The following ITGB5 variants were observed in gnomAD, a reference collection of about 807,000 sequenced individuals.
ITGB5 encodes integrin subunit beta 5.
In ITGB5, 38 loss-of-function variants were observed where a neutral mutation model predicts 84.8. That is an observed-to-expected ratio of 0.45 (90% confidence interval 0.35 to 0.59). The LOEUF (loss-of-function observed/expected upper bound fraction) is 0.59. Among genes scored for constraint, ITGB5 ranks in the 20% least tolerant of loss-of-function variants. The pLI is 0.01. For synonymous variants in ITGB5, 393 were observed against 414.4 expected (o/e 0.95, Z 0.63); for missense variants, 905 against 1,034.5 (o/e 0.87, Z 1.72).
chr3:124,764,731 G>T (rs535082620), intron 13 of ITGB5, among the ~76,000 whole-genome samples, 174 bp from the exon 14 acceptor site: 1 of 152,364 alleles, frequency 6.6e-6, no homozygotes, highest in South Asian at 2.1e-4. Context: ...AGATTCAAAA[G>T]GGACAGTGAC....
chr3:124,774,713 C>T (rs537972761), intron 10 of ITGB5, among the ~76,000 whole-genome samples: 1 of 152,254 alleles, frequency 6.6e-6, no homozygotes, highest in African/African-American at 2.4e-5. Flanking sequence ...TCCCTGAGTC[C>T]TAGTTAGAAG....
At chr3:124,851,956 A>C (rs998837408) in intron 3 of ITGB5, among the ~76,000 whole-genome samples, 3 of 152,146 alleles carry the variant, frequency 2.0e-5, no homozygotes, top group African/African-American at 7.2e-5. Context: ...CTGAAGGTGA[A>C]GCCATTAATG....
chr3:124,895,433 C>T (rs1935083240), intron 1 of ITGB5, among the ~76,000 whole-genome samples: 1 of 152,188 alleles, frequency 6.6e-6, no homozygotes, highest in Non-Finnish European at 1.5e-5. Context: ...CTATGTTGCT[C>T]ATGCTGGTCT....
At chr3:124,778,425 G>T (rs1270846640) in intron 10 of ITGB5, among the ~76,000 whole-genome samples, 3 of 152,238 alleles carry the variant, frequency 2.0e-5, no homozygotes, top group East Asian at 3.8e-4. Flanking sequence ...AGAGGAAGGG[G>T]CAGGCTGGGA....
chr3:124,875,900 C>T (rs950934849), intron 1 of ITGB5, among the ~76,000 whole-genome samples: 14 of 152,188 alleles, frequency 9.2e-5, no homozygotes, highest in Admixed American at 2.0e-4. Flanking sequence ...CACAGAAAGA[C>T]ATACTGCATT....
intron 5 of ITGB5, among the ~76,000 whole-genome samples, chr3:124,834,285 T>TGTGGAATGCTG (rs1460117147): frequency 2.0e-5 from 3 of 151,774 alleles, no homozygotes; most frequent in Non-Finnish European, 4.4e-5. Context: ...ACCACACTGA[T>TGTGGAATGCTG]GTGGAATGCT....
intron 10 of ITGB5, among the ~76,000 whole-genome samples, chr3:124,785,743 C>T (rs974585244): frequency 6.6e-6 from 1 of 152,052 alleles, no homozygotes; most frequent in Non-Finnish European, 1.5e-5. Flanking sequence ...TTGCTTGGTC[C>T]ATGTGTATCC....
intron 2 of ITGB5, among the ~76,000 whole-genome samples, chr3:124,864,626 TG>T (rs2065358984): frequency 6.6e-6 from 1 of 152,072 alleles, no homozygotes; most frequent in East Asian, 1.9e-4. Context: ...TGTGAACTAC[TG>T]GGACAGGAGA....
intron 2 of ITGB5, among the ~76,000 whole-genome samples, chr3:124,870,307 G>A (rs558593713): frequency 1.2e-4 from 18 of 152,268 alleles, no homozygotes; most frequent in African/African-American, 2.6e-4. Flanking sequence ...CAGAGTACAC[G>A]GAGACAAAGA....
At chr3:124,839,996 C>T (rs1270010879) in intron 5 of ITGB5, among the ~76,000 whole-genome samples, 3 of 152,236 alleles carry the variant, frequency 2.0e-5, no homozygotes, top group Non-Finnish European at 4.4e-5. Flanking sequence ...GCTGTTGCTG[C>T]TTTCTTTACA....
chr3:124,871,656 CCT>C (rs1261035709), intron 2 of ITGB5, among the ~76,000 whole-genome samples: 1 of 151,852 alleles, frequency 6.6e-6, no homozygotes, highest in African/African-American at 2.4e-5. Context: ...AGAGATCCCA[CCT>C]CTAAAAGATA....
In ITGB5 at chr3:124,860,020, T is replaced by C. The variant is rs577728103; in HGVS notation, c.157-574A>G. Reference sequence around the variant, plus strand: ...CCTTGGGCATTCAAGAGTTAACCTTTAAGTTGTTCACTTATCATCTTTCAC... The same window carrying C: ...CCTTGGGCATTCAAGAGTTAACCTTCAAGTTGTTCACTTATCATCTTTCAC... On this transcript the variant is annotated intron_variant, in intron 2 of 14. Transcript: ENST00000296181. Among the ~76,000 whole-genome samples the C allele has an allele frequency of 3.9e-5, 6 of 152,326 alleles. No homozygotes were observed. The South Asian group carries it at 8.3e-4, about 21-fold the overall frequency.
chr3:124,812,578 T>C lies in ITGB5; in HGVS notation c.1129-3422A>G, dbSNP rs180697883. Among the ~76,000 whole-genome samples, 961 of 152,310 alleles carry C rather than the reference T, an allele frequency of 6.3e-3. 34 individuals are homozygous for C. The highest frequency in any genetic ancestry group is 2.7e-3 in the Non-Finnish European group (184 of 68,022). On this transcript the variant is annotated intron_variant, in intron 8 of 14. Transcript: ENST00000296181. ...GGTGCAACATGAGGCCAGCCCCCTC[T>C]GCACGTGTGGACCCAGGGCTCCACG...
intron 5 of ITGB5, among the ~76,000 whole-genome samples, chr3:124,827,129 A>C (rs1038727379): frequency 2.0e-5 from 3 of 152,212 alleles, no homozygotes; most frequent in Non-Finnish European, 2.9e-5. Context: ...ACAAAAAAAA[A>C]CAATGAACTA....
chr3:124,899,853 CAAAAA>C (rs60859904), intron 1 of ITGB5, among the ~76,000 whole-genome samples: 13 of 35,010 alleles, frequency 3.7e-4, no homozygotes, highest in African/African-American at 1.8e-3. Context: ...GACCCTGTCT[CAAAAA>C]AAAAAAAAAA....
intron 9 of ITGB5, among the ~76,000 whole-genome samples, chr3:124,799,687 AT>A: frequency 6.6e-6 from 1 of 152,286 alleles, no homozygotes; most frequent in African/African-American, 2.4e-5. Context: ...AAGTGTCCTC[AT>A]TTTACCAGAG....
chr3:124,815,656 A>G (rs1454259213), intron 8 of ITGB5, among the ~76,000 whole-genome samples: 2 of 152,142 alleles, frequency 1.3e-5, no homozygotes, highest in Non-Finnish European at 2.9e-5. Context: ...CTCTTAGTTC[A>G]GTGTCCAGAG....
intron 2 of ITGB5, among the ~76,000 whole-genome samples, chr3:124,870,944 G>C (rs1186893700): frequency 1.3e-5 from 2 of 152,090 alleles, no homozygotes; most frequent in Non-Finnish European, 2.9e-5. Context: ...AGGCTGGAGT[G>C]CAGTGGCACA....
intron 12 of ITGB5, among the ~76,000 whole-genome samples, chr3:124,768,059 C>A (rs1004113350): frequency 5.3e-5 from 8 of 152,268 alleles, no homozygotes; most frequent in African/African-American, 1.9e-4. Context: ...GACAGAGACC[C>A]TGTCTCGAGA....
Sources: gnomAD v4.1 joint callset for allele counts (sites outside exome capture counted in the v4.1 genomes callset) on GRCh38, gnomAD v4.1.1 for gene constraint, MANE v1.5 for transcripts, NCBI Gene and HGNC (gene_info 2026-07-23, HGNC 2026-07-21) for gene names.